MBP: variants seen among roughly 807,000 people sequenced by gnomAD.
The protein encoded by MBP is myelin basic protein.
In MBP, 16 loss-of-function variants were observed where a neutral mutation model predicts 35.8. The observed-to-expected ratio is 0.45, with a 90% CI of 0.30 to 0.68. The LOEUF is 0.68. Among genes scored for constraint, MBP ranks in the 30% least tolerant of loss-of-function variants. The probability of loss-of-function intolerance (pLI) is 0.08; values close to 1 mark genes in which losing one functional copy is unlikely to be tolerated. For synonymous variants in MBP, 143 were observed against 159.6 expected, an observed-to-expected ratio of 0.90 and a Z score of 0.78; for missense variants, 380 against 404.7, an observed-to-expected ratio of 0.94 and a Z score of 0.52.
intron 3 of MBP, among the ~76,000 whole-genome samples, chr18:77,030,183 G>T (rs924688976): frequency 1.2e-4 from 18 of 150,794 alleles, no homozygotes; most frequent in African/African-American, 4.0e-4. Context: ...TCAGACAATG[G>T]TTAGGAGGCT....
intron 4 of MBP, chr18:77,016,495 C>A: frequency 1.4e-5 from 16 of 1,156,496 alleles, no homozygotes; most frequent in Non-Finnish European, 1.6e-5. Context: ...AGTCCGCAAG[C>A]ACACACCACC....
Position 77,044,075 on chromosome 18 carries a change from C to T in MBP, c.139+22223G>A, listed in dbSNP as rs1053542108. Among the ~76,000 whole-genome samples, 2 of 152,114 alleles carry T rather than the reference C, an allele frequency of 1.3e-5. No homozygotes were observed. Among genetic ancestry groups the T allele is most frequent in the Admixed American group, 1.3e-4 (2 of 15,280 alleles). ...CGTGCAAATCCTGTTCTCCTTCCAG[C>T]GGTGAGTTCCTCCTGCTGACCACCT... On this transcript the variant is annotated intron_variant, in intron 3 of 8. Coordinates refer to ENST00000355994, the MANE Select transcript of MBP (RefSeq NM_001025101.2). This position sits in a 1 kb window ranked among gnomAD's most constrained non-coding sequence, Gnocchi z 4.4.
intron 3 of MBP, among the ~76,000 whole-genome samples, chr18:77,033,856 AC>A (rs1315460519): frequency 1.3e-5 from 2 of 151,740 alleles, no homozygotes; most frequent in Non-Finnish European, 2.9e-5. Context: ...CCATCCATCC[AC>A]ATATCCATTT....
intron 2 of MBP, among the ~76,000 whole-genome samples, chr18:77,067,639 C>G (rs59444395): frequency 6.6e-6 from 1 of 152,138 alleles, no homozygotes; most frequent in Non-Finnish European, 1.5e-5. Flanking sequence ...TGTGGGCAGC[C>G]GCGCTGGCCC....
intron 3 of MBP, among the ~76,000 whole-genome samples, chr18:77,055,406 G>A (rs1280287449): frequency 6.6e-6 from 1 of 152,204 alleles, no homozygotes; most frequent in Non-Finnish European, 1.5e-5. Context: ...CCCAGGAGGT[G>A]CATGGGTGGC....
chr18:77,021,380 C>T (rs1219004713), intron 3 of MBP, among the ~76,000 whole-genome samples: 2 of 152,104 alleles, frequency 1.3e-5, no homozygotes, highest in Admixed American at 1.3e-4. Flanking sequence ...TTTCCTCTTG[C>T]ATTAATAGCA....
chr18:77,119,187 G>C (rs34435038), intron 1 of MBP, among the ~76,000 whole-genome samples: 7,377 of 152,244 alleles, frequency 0.048, 405 homozygotes, highest in East Asian at 0.2. Flanking sequence ...GCAGGGGCTT[G>C]GGGACCTGGA....
chr18:76,987,079 T>C, intron 7 of MBP: 1 of 985,442 alleles, frequency 1.0e-6, no homozygotes, highest in East Asian at 1.1e-4. Context: ...AAGGGAGAGA[T>C]GCAGGGAGGA....
intron 8 of MBP, chr18:76,982,191 GC>G (rs1362192888): frequency 2.0e-5 from 3 of 152,236 alleles, no homozygotes; most frequent in Non-Finnish European, 4.4e-5. Context: ...AGGAGCCAAA[GC>G]TCAGCCAGCC....
rs752202730 is a variant in MBP, at chr18:76,988,352, C to G, written c.750+143G>C. On this transcript the variant is annotated intron_variant, in intron 7 of 8. Coordinates refer to ENST00000355994, the MANE Select transcript of MBP (RefSeq NM_001025101.2). This position sits in a 1 kb window ranked among gnomAD's most constrained non-coding sequence, Gnocchi z 5.2. ...TTCCCCAGTGGAAGACAAGGCGGCC[C>G]GATCCCAGCTGTGGGCAGAGAGGTC... 1 of 1,607,806 alleles carries G rather than the reference C, an allele frequency of 6.2e-7. No homozygotes were observed. The highest frequency in any genetic ancestry group is 8.5e-7 in the Non-Finnish European group (1 of 1,176,972).
chr18:76,986,420 T>G, intron 7 of MBP: 2 of 985,504 alleles, frequency 2.0e-6, no homozygotes, highest in Non-Finnish European at 2.4e-6. Context: ...CCTCAAGGCT[T>G]CCAGAGCACC....
chr18:77,065,104 A>C (rs1332942921), intron 3 of MBP, among the ~76,000 whole-genome samples: 1 of 152,258 alleles, frequency 6.6e-6, no homozygotes, highest in East Asian at 1.9e-4. Context: ...TAGGGGAAGC[A>C]GAAACAAAGA....
intron 2 of MBP, among the ~76,000 whole-genome samples, chr18:77,088,745 A>G (rs1026521): frequency 0.16 from 24,313 of 152,124 alleles, 2,097 homozygotes; most frequent in African/African-American, 0.22. Context: ...CACCTTTTAT[A>G]TTCAAATCAT....
intron 4 of MBP, chr18:77,013,995 G>A (rs1971489368): frequency 4.1e-6 from 4 of 985,430 alleles, no homozygotes; most frequent in Non-Finnish European, 4.8e-6. Flanking sequence ...CCAAGCACAC[G>A]ACAATCTTGG....
At chr18:77,085,842 G>A (rs562580915) in intron 2 of MBP, among the ~76,000 whole-genome samples, 2 of 151,940 alleles carry the variant, frequency 1.3e-5, no homozygotes, top group East Asian at 1.9e-4. Flanking sequence ...CCACCACCAC[G>A]CCGGCTAATT....
In MBP at chr18:77,102,419, A is replaced by G. The variant is rs1976067923; in HGVS notation, c.51+2792T>C. On this transcript the variant is annotated intron_variant, in intron 2 of 8. Transcript: ENST00000355994. The surrounding 1 kb of genome is among the most constrained non-coding windows in gnomAD (Gnocchi z 4.4). ...TTTTGTGATTCAAGTTTAATGCTCT[A>G]CTAAGCTATGCAGCATCACAGAACA... Among the ~76,000 whole-genome samples, 1 of 152,214 alleles carries G rather than the reference A, an allele frequency of 6.6e-6. No individual in the cohort carries two copies. The highest frequency in any genetic ancestry group is 1.5e-5 in the Non-Finnish European group (1 of 68,036).
At chr18:77,047,177 C>G (rs569416969) in intron 3 of MBP, among the ~76,000 whole-genome samples, 8 of 152,360 alleles carry the variant, frequency 5.3e-5, no homozygotes, top group Middle Eastern at 3.4e-3. Context: ...CACGGGAAAC[C>G]CTGAACGCCA....
chr18:77,064,039 C>G (rs911664125), intron 3 of MBP, among the ~76,000 whole-genome samples: 4 of 152,052 alleles, frequency 2.6e-5, no homozygotes, highest in Non-Finnish European at 5.9e-5. Flanking sequence ...GTAGGCTTAG[C>G]CAAAATCATT....
chr18:77,067,902 G>A (rs1278525490), intron 2 of MBP: 1 of 482,958 alleles, frequency 2.1e-6, no homozygotes, highest in African/African-American at 1.9e-5. Context: ...ACTCACTTAT[G>A]TACTGCAGGC....
Sources: allele counts gnomAD v4.1 joint callset (sites outside exome capture counted in the v4.1 genomes callset), GRCh38; gene constraint gnomAD v4.1.1; non-coding constraint Gnocchi (gnomAD v3.1); transcripts MANE v1.5; gene names NCBI Gene and HGNC (gene_info 2026-07-23, HGNC 2026-07-21).